The following COL19A1 variants were observed in gnomAD, a reference collection of about 807,000 sequenced individuals.
COL19A1 encodes the protein collagen type XIX alpha 1 chain, also known as collagen alpha-1(XIX) chain.
A neutral mutation model predicts 190.2 loss-of-function variants in COL19A1; 159 were observed. That is an observed-to-expected ratio of 0.84 (90% CI 0.73 to 0.95). The LOEUF (loss-of-function observed/expected upper bound fraction) is 0.95, where lower values mean the gene tolerates loss of function less well. COL19A1 is among the 40% of genes least tolerant of loss of function. The pLI is 0.00. For missense variants in COL19A1, 1,418 were observed against 1,431.9 expected, an observed-to-expected ratio of 0.99 and a Z score of 0.16; for synonymous variants, 509 against 458.9, an observed-to-expected ratio of 1.11 and a Z score of -1.39.
chr6:69,921,382 A>G (rs912977741), intron 4 of COL19A1, among the ~76,000 whole-genome samples: 1 of 115,010 alleles, frequency 8.7e-6, no homozygotes, highest in Non-Finnish European at 1.6e-5. Flanking sequence ...TATATCATAT[A>G]TATCATATAT....
chr6:69,878,703 T>A (rs1768300291), intron 1 of COL19A1, among the ~76,000 whole-genome samples: 1 of 152,226 alleles, frequency 6.6e-6, no homozygotes, highest in African/African-American at 2.4e-5. Context: ...CTTCTGATTC[T>A]ATATACCCAA....
intron 44 of COL19A1, among the ~76,000 whole-genome samples, chr6:70,184,419 AT>A (rs1714964518): frequency 6.6e-6 from 1 of 152,188 alleles, no homozygotes. Context: ...ATTTCACTTA[AT>A]TCTTAGTTTT....
intron 11 of COL19A1, among the ~76,000 whole-genome samples, chr6:70,022,723 T>C (rs1395638644): frequency 6.6e-6 from 1 of 152,202 alleles, no homozygotes; most frequent in East Asian, 1.9e-4. Context: ...TTATTAACTG[T>C]ATCTTGCTTT....
chr6:69,989,576 C>A (rs1359327878), intron 11 of COL19A1, among the ~76,000 whole-genome samples: 1 of 112,976 alleles, frequency 8.9e-6, no homozygotes. Context: ...TTTTGCTCAT[C>A]AGCTATTGTT....
chr6:70,084,896 G>T (rs1295120393), intron 15 of COL19A1, among the ~76,000 whole-genome samples: 1 of 152,044 alleles, frequency 6.6e-6, no homozygotes, highest in Non-Finnish European at 1.5e-5. Flanking sequence ...ATTAATTCTG[G>T]AGTCTTGCAA....
chr6:70,045,079 G>A (rs558700909), intron 14 of COL19A1, among the ~76,000 whole-genome samples: 6 of 152,120 alleles, frequency 3.9e-5, no homozygotes, highest in East Asian at 3.9e-4. Flanking sequence ...TTAGGAGGCC[G>A]AGGTGGGCGG....
intron 42 of COL19A1, among the ~76,000 whole-genome samples, chr6:70,178,129 T>A (rs766747256): frequency 6.6e-6 from 1 of 152,224 alleles, no homozygotes; most frequent in South Asian, 2.1e-4. Context: ...GACTCACACA[T>A]GTAATCCCAG....
chr6:70,050,394 A>C (rs377274885), intron 14 of COL19A1, among the ~76,000 whole-genome samples: 1 of 152,074 alleles, frequency 6.6e-6, no homozygotes, highest in African/African-American at 2.4e-5. Flanking sequence ...AAAACTATTA[A>C]CTATAAACTG....
In COL19A1 at chr6:70,197,331, G is replaced by T. The variant is rs146099970; in HGVS notation, c.3095-2277G>T. Among the ~76,000 whole-genome samples the T allele has an allele frequency of 1.2e-3, 176 of 152,100 alleles. 6 individuals carry two copies. The East Asian group carries it at 0.029, about 25-fold the overall frequency. On this transcript the variant is annotated intron_variant, in intron 48 of 50. Coordinates refer to ENST00000620364, the MANE Select transcript of COL19A1 (RefSeq NM_001858.6). ...CCAGCTACTCGGGAGGCTGAGGCAG[G>T]AGAATGGCGTGAACCCGGGAGACGG...
chr6:70,161,670 A>T (rs192978296), intron 34 of COL19A1, among the ~76,000 whole-genome samples: 94 of 152,300 alleles, frequency 6.2e-4, no homozygotes, highest in African/African-American at 2.1e-3. Flanking sequence ...AGACTTCACC[A>T]TTATACAATT....
At chr6:69,952,457 T>G (rs1774181135) in intron 9 of COL19A1, among the ~76,000 whole-genome samples, 1 of 151,710 alleles carries the variant, frequency 6.6e-6, no homozygotes, top group African/African-American at 2.4e-5. Flanking sequence ...AAAACAAAAT[T>G]GTTTAACTTA....
intron 1 of COL19A1, among the ~76,000 whole-genome samples, chr6:69,873,796 C>T (rs1767975809): frequency 6.6e-6 from 1 of 152,096 alleles, no homozygotes; most frequent in Admixed American, 6.6e-5. Flanking sequence ...CAAATCATAG[C>T]ACCAATATTC....
Position 70,207,241 on chromosome 6 carries a change from G to T in COL19A1, c.3396G>T (p.Val1132=). The T allele has an allele frequency of 6.2e-7, 1 of 1,613,832 alleles. No individual in the cohort carries two copies. Among genetic ancestry groups the T allele is most frequent in the South Asian group, 1.1e-5 (1 of 91,070 alleles). ...ACCCAGAAGATTGCCTCTATCCTGTGTCTCATGCCCATCAGCGCACAGGTG... is the reference window on the plus strand; with the variant it reads ...ACCCAGAAGATTGCCTCTATCCTGTTTCTCATGCCCATCAGCGCACAGGTG... ...RCNPEDCLYP[V]SHAHQRTGGN Residue 1132 remains valine, a synonymous_variant, in exon 51 of 51, where the codon GTG becomes GTT. Coordinates refer to ENST00000620364, the MANE Select transcript of COL19A1 (RefSeq NM_001858.6).
chr6:70,033,512 A>G (rs113892463), intron 12 of COL19A1, among the ~76,000 whole-genome samples: 2,162 of 152,212 alleles, frequency 0.014, 60 homozygotes, highest in African/African-American at 0.049. Flanking sequence ...CTGTGAATTC[A>G]TGCAGCTGTA....
At chr6:69,959,907 A>G (rs1582528162) in intron 9 of COL19A1, 89 bp from the exon 10 acceptor site, 3 of 1,173,632 alleles carry the variant, frequency 2.6e-6, no homozygotes, top group Middle Eastern at 2.1e-4. Flanking sequence ...TTTCCCCACA[A>G]CACTAGAGCT....
rs1252910963 is a variant in COL19A1, at chr6:70,002,802, TG to T, written c.1027-20823del. On this transcript the variant is annotated intron_variant, in intron 11 of 50. Coordinates refer to ENST00000620364, the MANE Select transcript of COL19A1 (RefSeq NM_001858.6). ...GCTAGTGATCTATCCATGTTGTTGTTGGTTTTTTTTTTTTTTTCCTCAAAAA... is the reference window on the plus strand; with the variant it reads ...GCTAGTGATCTATCCATGTTGTTGTTGTTTTTTTTTTTTTTTCCTCAAAAA... Among the ~76,000 whole-genome samples, 425 of 150,370 alleles carry T rather than the reference TG, an allele frequency of 2.8e-3. 2 individuals carry two copies. Among genetic ancestry groups the T allele is most frequent in the African/African-American group, 8.8e-3 (360 of 41,070 alleles).
At chr6:69,880,036 T>G (rs1478645241) in intron 2 of COL19A1, 1 of 263,030 alleles carries the variant, frequency 3.8e-6, no homozygotes, top group African/African-American at 2.2e-5. Flanking sequence ...TATCTAATCT[T>G]AATTAGGAAA....
intron 6 of COL19A1, among the ~76,000 whole-genome samples, chr6:69,931,161 A>G (rs1772736397): frequency 6.6e-6 from 1 of 152,196 alleles, no homozygotes; most frequent in Non-Finnish European, 1.5e-5. Context: ...TGTTATTGAA[A>G]AAAATTATCA....
At chr6:70,102,509 A>C (rs112970832) in intron 16 of COL19A1, among the ~76,000 whole-genome samples, 75 of 152,298 alleles carry the variant, frequency 4.9e-4, no homozygotes, top group African/African-American at 1.7e-3. Context: ...TCCCAAGCCA[A>C]GTGTCCAGAT....
Sources: allele counts gnomAD v4.1 joint callset (sites outside exome capture counted in the v4.1 genomes callset), GRCh38; gene constraint gnomAD v4.1.1; transcripts MANE v1.5; gene names NCBI Gene and HGNC (gene_info 2026-07-23, HGNC 2026-07-21).